The following RIMS3 variants were observed in gnomAD, a reference collection of about 807,000 sequenced individuals.
RIMS3 encodes the protein regulating synaptic membrane exocytosis 3.
Under a neutral mutation model 29.2 loss-of-function variants are expected in RIMS3, and 15 were observed. The ratio of observed to expected loss-of-function variants is 0.51; its 90% CI spans 0.34 to 0.79. The LOEUF is 0.79. Among genes scored for constraint, RIMS3 ranks in the 30% least tolerant of loss-of-function variants. The pLI, the probability that RIMS3 is intolerant of heterozygous loss-of-function variation, is 0.01. For synonymous variants in RIMS3, 161 were observed against 170.1 expected (o/e 0.95, Z 0.41); for missense variants, 342 against 421.4 (o/e 0.81, Z 1.65).
At chr1:40,630,086 A>G (rs2148344348) in intron 5 of RIMS3, among the ~76,000 whole-genome samples, 1 of 151,742 alleles carries the variant, frequency 6.6e-6, no homozygotes, top group Non-Finnish European at 1.5e-5. Context: ...AAAAAAAAAA[A>G]AAGAAAGAAA....
In RIMS3 at chr1:40,636,165, G is replaced by T; in HGVS notation, c.218-108C>A. 1 of 1,398,098 alleles carries T rather than the reference G, an allele frequency of 7.2e-7. No individual in the cohort carries two copies. The allele number at this position is 1,398,098 out of a possible 1,614,324, so 86.6% of individuals were successfully genotyped here. On this transcript the variant is annotated intron_variant, in intron 3 of 7. Transcript: ENST00000372684. This position sits in a 1 kb window ranked among gnomAD's most constrained non-coding sequence, Gnocchi z 4.2. ...ACTCTCTTGGCATGGGGGGTTGATGGGGAGGATGAGCAGGGCTCTGACTGG... is the reference window on the plus strand; with the variant it reads ...ACTCTCTTGGCATGGGGGGTTGATGTGGAGGATGAGCAGGGCTCTGACTGG...
In RIMS3 at chr1:40,628,788, C is replaced by G. The variant is rs56186433; in HGVS notation, c.714+22G>C. 6 of 1,614,132 alleles carry G rather than the reference C, an allele frequency of 3.7e-6. No individual in the cohort carries two copies. In the East Asian group the frequency reaches 1.3e-4, roughly 36 times the overall value. On this transcript the variant is annotated intron_variant, in intron 7 of 7. Transcript: ENST00000372684. ...TTCCAGTCTGTGAGTCCACCCTGCC[C>G]TACTTGCCCTGTGACACCCACCTGC...
Position 40,622,791 on chromosome 1 carries a change from T to C in RIMS3, c.*3726A>G, listed in dbSNP as rs1361408708. 2 of 152,446 alleles carry C rather than the reference T, an allele frequency of 1.3e-5. No individual in the cohort carries two copies. Among genetic ancestry groups the C allele is most frequent in the Admixed American group, 6.6e-5 (1 of 15,250 alleles). The allele number at this position is 152,446 out of a possible 1,614,324, so 9.4% of individuals were successfully genotyped here. A position where few individuals can be genotyped will look rare whatever the true frequency, so the allele number is the denominator to read the frequency against. On this transcript the variant is annotated 3_prime_UTR_variant, in exon 8 of 8. Coordinates refer to ENST00000372684, the MANE Select transcript of RIMS3 (RefSeq NM_014747.3). The stretch of plus-strand genomic sequence containing the variant: ...CCATTGCTTTCTGGGCTGAGGAAGA[T>C]GGGGAATATGAGGTATTAGGAGGGC...
chr1:40,666,628 G>T (rs973343792), upstream of RIMS3, among the ~76,000 whole-genome samples: 8 of 152,136 alleles, frequency 5.3e-5, no homozygotes, highest in Non-Finnish European at 1.2e-4. Flanking sequence ...TTCCACTCTT[G>T]GGCTCCAGTG....
At chr1:40,667,672 G>T (rs1203207736), upstream of RIMS3, among the ~76,000 whole-genome samples, 1 of 152,134 alleles carries the variant, frequency 6.6e-6, no homozygotes, top group Non-Finnish European at 1.5e-5. Context: ...AGTCCAGGAA[G>T]AAAAGTAATG....
chr1:40,646,181 A>C (rs1022211268), intron 2 of RIMS3, among the ~76,000 whole-genome samples: 3 of 152,350 alleles, frequency 2.0e-5, no homozygotes, highest in Non-Finnish European at 4.4e-5. Context: ...TGAGTCTCTG[A>C]ATGCACATTG....
chr1:40,689,306 G>C, the RIMS3 span, among the ~76,000 whole-genome samples: 6 of 152,152 alleles, frequency 3.9e-5, no homozygotes, highest in East Asian at 1.2e-3. Flanking sequence ...TTTTGAGACA[G>C]AGTCTCACTC....
At chr1:40,682,211 C>T in the RIMS3 span, among the ~76,000 whole-genome samples, 2 of 152,148 alleles carry the variant, frequency 1.3e-5, no homozygotes. Context: ...TACTTTCATT[C>T]ATTCATTCAT....
chr1:40,679,890 A>ATTT, the RIMS3 span, among the ~76,000 whole-genome samples: 38 of 142,466 alleles, frequency 2.7e-4, no homozygotes, highest in African/African-American at 9.3e-4. Flanking sequence ...GATGACTAGA[A>ATTT]TTTTTTTTTT....
At chr1:40,634,640 G>A (rs980823360) in intron 4 of RIMS3, among the ~76,000 whole-genome samples, 2 of 152,144 alleles carry the variant, frequency 1.3e-5, no homozygotes, top group African/African-American at 4.8e-5. Flanking sequence ...CCTCAGGGTT[G>A]CTGTAAGTGT....
chr1:40,683,157 C>T, the RIMS3 span, among the ~76,000 whole-genome samples: 1 of 152,208 alleles, frequency 6.6e-6, no homozygotes, highest in African/African-American at 2.4e-5. Flanking sequence ...AACTTCAAAG[C>T]ACATGCTGCA....
intron 1 of RIMS3, among the ~76,000 whole-genome samples, chr1:40,659,825 A>G (rs1642326023): frequency 6.6e-6 from 1 of 152,200 alleles, no homozygotes; most frequent in Non-Finnish European, 1.5e-5. Flanking sequence ...GAAGTCCTGC[A>G]GCTGAGGGAG....
At chr1:40,645,829 G>T (rs1646591850) in intron 2 of RIMS3, among the ~76,000 whole-genome samples, 1 of 152,184 alleles carries the variant, frequency 6.6e-6, no homozygotes, top group South Asian at 2.1e-4. Context: ...TTGGCATCAA[G>T]GTCTCTGCAC....
chr1:40,690,420 G>T, the RIMS3 span: 1 of 151,788 alleles, frequency 6.6e-6, no homozygotes, highest in African/African-American at 2.4e-5. Flanking sequence ...AGAGTGCAGC[G>T]AGACACTCGT....
chr1:40,679,741 G>T, the RIMS3 span, among the ~76,000 whole-genome samples: 2 of 152,096 alleles, frequency 1.3e-5, no homozygotes, highest in African/African-American at 2.4e-5. Flanking sequence ...TGAATCTCAG[G>T]ATTTTTGCTG....
chr1:40,662,137 G>T (rs1433210445), intron 1 of RIMS3, among the ~76,000 whole-genome samples: 1 of 152,186 alleles, frequency 6.6e-6, no homozygotes, highest in Non-Finnish European at 1.5e-5. Flanking sequence ...TTTAGGGGTT[G>T]CCATTGGCCT....
chr1:40,659,006 C>T (rs773081783), intron 1 of RIMS3, among the ~76,000 whole-genome samples: 18 of 152,142 alleles, frequency 1.2e-4, no homozygotes, highest in Non-Finnish European at 2.2e-4. Flanking sequence ...AAGCCCAGTG[C>T]AGTGGGAGAC....
At chr1:40,691,437 C>G in the RIMS3 span, 1 of 254,042 alleles carries the variant, frequency 3.9e-6, no homozygotes, top group Admixed American at 5.9e-5. Flanking sequence ...AAAATTCAAG[C>G]TCGCACCAAG....
chr1:40,668,851 T>G (rs1000637782), upstream of RIMS3, among the ~76,000 whole-genome samples: 7 of 152,102 alleles, frequency 4.6e-5, no homozygotes, highest in Non-Finnish European at 1.0e-4. Context: ...CGCCAGCCCC[T>G]CCAAGCCGAG....
Sources: gnomAD v4.1 joint callset for allele counts (sites outside exome capture counted in the v4.1 genomes callset) on GRCh38, gnomAD v4.1.1 for gene constraint, Gnocchi (gnomAD v3.1) non-coding constraint, MANE v1.5 for transcripts, NCBI Gene and HGNC (gene_info 2026-07-23, HGNC 2026-07-21) for gene names.